Variants in AQP7B observed in about 807,000 individuals in gnomAD.
AQP7B encodes the protein aquaporin 7B, also known as putative aquaporin-7B.
chr2:94,600,663 A>T, the AQP7B span, among the ~76,000 whole-genome samples: 1 of 152,172 alleles, frequency 6.6e-6, no homozygotes, highest in Non-Finnish European at 1.5e-5. Context: ...TGATCATATG[A>T]GGTCAGGTGT....
chr2:94,603,565 G>T, the AQP7B span: 41 of 1,511,870 alleles, frequency 2.7e-5, no homozygotes, highest in African/African-American at 1.9e-4. Flanking sequence ...AGCCAGCAGG[G>T]AGTCCCTCCA....
chr2:94,602,253 T>G, the AQP7B span, among the ~76,000 whole-genome samples: 1 of 151,834 alleles, frequency 6.6e-6, no homozygotes, highest in African/African-American at 2.4e-5. Context: ...CGTAAGAGCT[T>G]CTAACTCTGC....
the AQP7B span, chr2:94,602,596 C>A: frequency 1.9e-6 from 3 of 1,595,040 alleles, no homozygotes; most frequent in East Asian, 2.2e-5. Flanking sequence ...TGGGAGTCCA[C>A]GTGGCAGGCC....
chr2:94,596,243 C>A, the AQP7B span, among the ~76,000 whole-genome samples: 1 of 152,242 alleles, frequency 6.6e-6, no homozygotes. Flanking sequence ...GGACAGTATC[C>A]AGACTGCAGG....
the AQP7B span, among the ~76,000 whole-genome samples, chr2:94,599,647 A>G: frequency 1.1e-4 from 16 of 152,148 alleles, 1 homozygote; most frequent in Middle Eastern, 0.037. Context: ...CCAGCTGTCC[A>G]GCCTATTCAG....
the AQP7B span, among the ~76,000 whole-genome samples, chr2:94,598,866 G>A: frequency 6.6e-6 from 1 of 152,144 alleles, no homozygotes. Flanking sequence ...GAGTGCAGTG[G>A]TGTGATCTCA....
At chr2:94,602,572 C>G in the AQP7B span, 8 of 1,601,670 alleles carry the variant, frequency 5.0e-6, no homozygotes, top group Non-Finnish European at 6.8e-6. Context: ...TGGGTTTTGG[C>G]TTCGGGGTCA....
At chr2:94,599,701 G>A in the AQP7B span, among the ~76,000 whole-genome samples, 5 of 151,692 alleles carry the variant, frequency 3.3e-5, no homozygotes, top group African/African-American at 7.3e-5. Context: ...TCTTCAGCCC[G>A]TCCCTCTCTC....
chr2:94,592,493 A>C, the AQP7B span, among the ~76,000 whole-genome samples: 1 of 152,118 alleles, frequency 6.6e-6, no homozygotes, highest in Non-Finnish European at 1.5e-5. Context: ...GCTCCCATGC[A>C]GCATCGTATA....
chr2:94,599,116 A>G, the AQP7B span, among the ~76,000 whole-genome samples: 32 of 152,200 alleles, frequency 2.1e-4, no homozygotes, highest in African/African-American at 7.7e-4. Flanking sequence ...CTCATCCAGT[A>G]TTTTTAGCAC....
At chr2:94,588,901 C>G in the AQP7B span, among the ~76,000 whole-genome samples, 2 of 151,990 alleles carry the variant, frequency 1.3e-5, no homozygotes, top group Admixed American at 1.3e-4. Context: ...CTATGTAGTC[C>G]TTGTTAGCTT....
the AQP7B span, among the ~76,000 whole-genome samples, chr2:94,599,317 G>A: frequency 6.6e-6 from 1 of 151,952 alleles, no homozygotes; most frequent in East Asian, 1.9e-4. Flanking sequence ...GCCCAGCTCT[G>A]GGCTCCCCTG....
chr2:94,588,903 TG>T, the AQP7B span, among the ~76,000 whole-genome samples: 1 of 151,748 alleles, frequency 6.6e-6, no homozygotes, highest in Non-Finnish European at 1.5e-5. Context: ...ATGTAGTCCT[TG>T]TTAGCTTTCT....
chr2:94,593,472 C>T, the AQP7B span, among the ~76,000 whole-genome samples: 12 of 148,436 alleles, frequency 8.1e-5, no homozygotes, highest in Admixed American at 8.1e-4. Flanking sequence ...TGTATCCCTC[C>T]TCTTCCTCTT....
chr2:94,588,983 CT>C, the AQP7B span, among the ~76,000 whole-genome samples: 754 of 135,348 alleles, frequency 5.6e-3, 3 homozygotes, highest in African/African-American at 0.013. Flanking sequence ...GTTTTTTTTT[CT>C]TTTTTTTTTT....
At chr2:94,589,665 G>C in the AQP7B span, among the ~76,000 whole-genome samples, 4 of 152,010 alleles carry the variant, frequency 2.6e-5, no homozygotes, top group Non-Finnish European at 5.9e-5. Context: ...CCCCTCTGTT[G>C]ACATCATTGC....
the AQP7B span, chr2:94,604,388 C>G: frequency 3.7e-6 from 6 of 1,611,436 alleles, no homozygotes; most frequent in Non-Finnish European, 5.1e-6. Flanking sequence ...CACCATCCCA[C>G]GGGAGCCCCT....
the AQP7B span, among the ~76,000 whole-genome samples, chr2:94,600,035 C>A: frequency 5.9e-5 from 9 of 151,962 alleles, no homozygotes; most frequent in African/African-American, 2.2e-4. Context: ...AGCACCACCA[C>A]GCCTGGCTAA....
chr2:94,593,479 T>G, the AQP7B span, among the ~76,000 whole-genome samples: 1 of 139,306 alleles, frequency 7.2e-6, no homozygotes, highest in African/African-American at 2.7e-5. Context: ...CTCCTCTTCC[T>G]CTTTTTTTTT....
Sources: gnomAD v4.1 joint callset for allele counts (sites outside exome capture counted in the v4.1 genomes callset) on GRCh38, gnomAD v4.1.1 for gene constraint, MANE v1.5 for transcripts, NCBI Gene and HGNC (gene_info 2026-07-23, HGNC 2026-07-21) for gene names.